TRPS1: variants seen among roughly 807,000 people sequenced by gnomAD.
TRPS1 encodes the protein zinc finger transcription factor Trps1.
In TRPS1, 6 loss-of-function variants were observed where a neutral mutation model predicts 101.2. The observed-to-expected ratio is 0.06, with a 90% CI of 0.03 to 0.12. The LOEUF is 0.12. Among genes scored for constraint, TRPS1 ranks in the 10% least tolerant of loss-of-function variants. The pLI is 1.00. For synonymous variants in TRPS1, 578 were observed against 589.8 expected, an observed-to-expected ratio of 0.98 and a Z score of 0.29; for missense variants, 1,363 against 1,567.0, an observed-to-expected ratio of 0.87 and a Z score of 2.20.
At chr8:115,512,669 G>A (rs1454554921) in intron 5 of TRPS1, among the ~76,000 whole-genome samples, 5 of 151,042 alleles carry the variant, frequency 3.3e-5, no homozygotes, top group Admixed American at 2.7e-4. Context: ...TCTGTATTTG[G>A]CATTATCTAT....
chr8:115,549,827 T>A (rs1816662127), intron 5 of TRPS1, among the ~76,000 whole-genome samples: 2 of 152,156 alleles, frequency 1.3e-5, no homozygotes, highest in South Asian at 4.1e-4. Flanking sequence ...TATGCAGCAA[T>A]TGTAGGATGG....
At chr8:115,636,886 T>C (rs549640467) in intron 1 of TRPS1, among the ~76,000 whole-genome samples, 112 of 151,484 alleles carry the variant, frequency 7.4e-4, no homozygotes, top group Non-Finnish European at 9.4e-4. Flanking sequence ...CACTCCAGCC[T>C]GGGCAACAGA....
chr8:115,622,306 G>A (rs1400332819), intron 2 of TRPS1, among the ~76,000 whole-genome samples: 1 of 152,046 alleles, frequency 6.6e-6, no homozygotes, highest in Non-Finnish European at 1.5e-5. Context: ...GACTAAAGAA[G>A]CCCTGGGAAT....
intron 5 of TRPS1, among the ~76,000 whole-genome samples, chr8:115,542,412 T>C (rs748204051): frequency 3.3e-5 from 5 of 152,112 alleles, no homozygotes; most frequent in Non-Finnish European, 7.4e-5. Context: ...ATTAGACACA[T>C]TAGATCTTTA....
At chr8:115,444,664 C>A (rs1426739962) in intron 5 of TRPS1, among the ~76,000 whole-genome samples, 1 of 152,214 alleles carries the variant, frequency 6.6e-6, no homozygotes, top group Non-Finnish European at 1.5e-5. Context: ...TCTTTCAAAT[C>A]ATCAGTCCTC....
At chr8:115,627,610 C>T (rs894254649) in intron 1 of TRPS1, among the ~76,000 whole-genome samples, 12 of 151,776 alleles carry the variant, frequency 7.9e-5, no homozygotes, top group African/African-American at 2.4e-4. Flanking sequence ...ACAAAAATAA[C>T]GAGTGCTGTG....
At position 115,551,468 on chromosome 8, in the gene TRPS1, C is replaced by T. The variant is rs991319069; in HGVS notation, c.2700+35533G>A. ...CTTGTATACTGTATGTGGTTTAGTA[C>T]GTGTTAAATACACATTTAAAAATTC... is the stretch of plus-strand genomic sequence containing the variant. On this transcript the variant is annotated intron_variant, in intron 5 of 6. Coordinates refer to ENST00000395715, the MANE Select transcript of TRPS1 (RefSeq NM_014112.5). 8.5e-5 allele frequency among the ~76,000 whole-genome samples: 13 copies of T among 152,078 alleles called. No individual in the cohort carries two copies. In the South Asian group the frequency reaches 1.2e-3, roughly 15 times the overall value.
rs1243717704 is a variant in TRPS1, at chr8:115,540,123, C to A, written c.2700+46878G>T. ...TAGAATTCATAATCTGATTTTATTTCTCTTGAGTTATAAATTCCATCATGG... is the reference window on the plus strand; with the variant it reads ...TAGAATTCATAATCTGATTTTATTTATCTTGAGTTATAAATTCCATCATGG... On this transcript the variant is annotated intron_variant, in intron 5 of 6. Coordinates refer to ENST00000395715, the MANE Select transcript of TRPS1 (RefSeq NM_014112.5). 2.6e-5 allele frequency among the ~76,000 whole-genome samples: 4 copies of A among 152,178 alleles called. No individual in the cohort carries two copies. In the East Asian group the frequency reaches 7.7e-4, roughly 29 times the overall value.
At chr8:115,511,864 A>C (rs186332968) in intron 5 of TRPS1, among the ~76,000 whole-genome samples, 1 of 151,988 alleles carries the variant, frequency 6.6e-6, no homozygotes, top group Admixed American at 6.6e-5. Context: ...ATGCACTCTA[A>C]AATTTAAAAC....
At chr8:115,422,520 C>T (rs1813091465) in intron 5 of TRPS1, among the ~76,000 whole-genome samples, 2 of 152,130 alleles carry the variant, frequency 1.3e-5, no homozygotes. Flanking sequence ...ACGCCCGCCA[C>T]CATGCCTGGC....
chr8:115,431,405 T>C (rs934947297), intron 5 of TRPS1, among the ~76,000 whole-genome samples: 1 of 152,032 alleles, frequency 6.6e-6, no homozygotes, highest in East Asian at 1.9e-4. Flanking sequence ...AACTCCCTTA[T>C]ATAAGAAACT....
chr8:115,651,652 A>C (rs1403461760), intron 1 of TRPS1, among the ~76,000 whole-genome samples: 1 of 152,238 alleles, frequency 6.6e-6, no homozygotes, highest in African/African-American at 2.4e-5. Context: ...AAAGCCACAC[A>C]TAAACAGGAG....
chr8:115,594,041 T>A (rs1817735036), intron 4 of TRPS1, among the ~76,000 whole-genome samples: 2 of 152,054 alleles, frequency 1.3e-5, no homozygotes, highest in African/African-American at 2.4e-5. Context: ...AAATGGACAG[T>A]CACAGCTCTG....
At chr8:115,567,965 A>C (rs1190034439) in intron 5 of TRPS1, among the ~76,000 whole-genome samples, 2 of 152,154 alleles carry the variant, frequency 1.3e-5, no homozygotes, top group Non-Finnish European at 2.9e-5. Context: ...TGAGAGTTTT[A>C]AACCAGTTGT....
chr8:115,556,376 C>A (rs1411067167), intron 5 of TRPS1, among the ~76,000 whole-genome samples: 1 of 151,946 alleles, frequency 6.6e-6, no homozygotes, highest in Non-Finnish European at 1.5e-5. Context: ...ATTTAAATTG[C>A]CTATTAACAC....
chr8:115,521,535 C>T (rs1173955473), intron 5 of TRPS1, among the ~76,000 whole-genome samples: 1 of 151,820 alleles, frequency 6.6e-6, no homozygotes, highest in African/African-American at 2.4e-5. Context: ...CTCACTATAA[C>T]TTTCAGATGT....
chr8:115,456,377 T>C (rs1814025962), intron 5 of TRPS1, among the ~76,000 whole-genome samples: 1 of 152,158 alleles, frequency 6.6e-6, no homozygotes, highest in Non-Finnish European at 1.5e-5. Context: ...TGATTCAGAT[T>C]TGACATTGCT....
At position 115,408,686 on chromosome 8, in the gene TRPS1, C is replaced by T. The variant is rs1285661795; in HGVS notation, c.*5337G>A. Reference sequence around the variant, plus strand: ...GTAAGAACAGAACTATTATAGCCAACATTCTAGTATTCAAATCAGGACTAC... The same window carrying T: ...GTAAGAACAGAACTATTATAGCCAATATTCTAGTATTCAAATCAGGACTAC... On this transcript the variant is annotated 3_prime_UTR_variant, in exon 7 of 7. Transcript: ENST00000395715. 1.3e-5 allele frequency: 2 copies of T among 151,724 alleles called. No homozygotes were observed. The highest frequency in any genetic ancestry group is 4.9e-5 in the African/African-American group (2 of 41,204). 9.4% of individuals were successfully genotyped at this position (151,724 alleles called of 1,614,324 possible).
At chr8:115,417,325 T>C (rs1812946002) in intron 6 of TRPS1, among the ~76,000 whole-genome samples, 1 of 152,164 alleles carries the variant, frequency 6.6e-6, no homozygotes, top group South Asian at 2.1e-4. Context: ...TACTGCCAAT[T>C]AGTAGTGTTA....
Sources: gnomAD v4.1 joint callset for allele counts (sites outside exome capture counted in the v4.1 genomes callset) on GRCh38, gnomAD v4.1.1 for gene constraint, MANE v1.5 for transcripts, NCBI Gene and HGNC (gene_info 2026-07-23, HGNC 2026-07-21) for gene names.